The following MNAT1 variants were observed in gnomAD, a reference collection of about 807,000 sequenced individuals.
MNAT1 encodes the protein CDK-activating kinase assembly factor MAT1.
Under a neutral mutation model 42.0 loss-of-function variants are expected in MNAT1, and 43 were observed. The ratio of observed to expected loss-of-function variants is 1.02; its 90% CI spans 0.80 to 1.32. The LOEUF (loss-of-function observed/expected upper bound fraction) is 1.32. Ranked by LOEUF, MNAT1 falls within the 40% of genes most tolerant of loss-of-function variation. MNAT1 has a pLI of 0.00. For missense variants in MNAT1, 306 were observed against 350.4 expected (o/e 0.87, Z 1.01); for synonymous variants, 118 against 120.0 (o/e 0.98, Z 0.11).
chr14:60,929,170 A>AATATATATAT (rs57354716), intron 7 of MNAT1, among the ~76,000 whole-genome samples: 21 of 47,462 alleles, frequency 4.4e-4, no homozygotes, highest in South Asian at 2.6e-3. Context: ...AAAAAAAAAA[A>AATATATATAT]ATATATATAT....
chr14:60,892,702 AT>A, intron 7 of MNAT1, among the ~76,000 whole-genome samples: 1 of 151,628 alleles, frequency 6.6e-6, no homozygotes, highest in African/African-American at 2.4e-5. Context: ...CTTTGTGTTT[AT>A]TTTTTAGTGC....
chr14:60,750,231 CTTTT>C (rs1186389806), intron 1 of MNAT1, among the ~76,000 whole-genome samples: 1 of 144,528 alleles, frequency 6.9e-6, no homozygotes. Flanking sequence ...TTCTTTCTTT[CTTTT>C]TTTTTTTTTG....
intron 1 of MNAT1, among the ~76,000 whole-genome samples, chr14:60,748,215 G>T (rs1390951238): frequency 6.6e-6 from 1 of 151,682 alleles, no homozygotes; most frequent in Non-Finnish European, 1.5e-5. Context: ...AAAAAAAGAA[G>T]AAAATATTTT....
In MNAT1 at chr14:60,929,170, A is replaced by ATAT. The variant is rs1555336770; in HGVS notation, c.810-39059_810-39058insTAT. The stretch of plus-strand genomic sequence containing the variant: ...TCCCAAAAAAAAAAAAAAAAAAAAA[A>ATAT]ATATATATATATATATATATATATG... On this transcript the variant is annotated intron_variant, in intron 7 of 7. Coordinates refer to ENST00000261245, the MANE Select transcript of MNAT1 (RefSeq NM_002431.4). 2.1e-3 allele frequency among the ~76,000 whole-genome samples: 100 copies of ATAT among 47,400 alleles called. 1 individual carries two copies. The highest frequency in any genetic ancestry group is 5.6e-3 in the African/African-American group (47 of 8,460). 31.1% of individuals were successfully genotyped at this position (47,400 alleles called of 152,430 possible). A position where few individuals can be genotyped will look rare whatever the true frequency, so the allele number is the denominator to read the frequency against.
chr14:60,932,518 G>A (rs552378309), intron 7 of MNAT1, among the ~76,000 whole-genome samples: 80 of 151,858 alleles, frequency 5.3e-4, no homozygotes, highest in South Asian at 1.5e-3. Context: ...ACTGTCTTAC[G>A]TGGAGTGTGC....
At chr14:60,801,072 A>G (rs1363591493) in intron 3 of MNAT1, among the ~76,000 whole-genome samples, 1 of 152,148 alleles carries the variant, frequency 6.6e-6, no homozygotes, top group Non-Finnish European at 1.5e-5. Context: ...AGCACTGGGA[A>G]ATAGAGATGT....
At chr14:60,826,314 T>C (rs1165144553) in intron 6 of MNAT1, among the ~76,000 whole-genome samples, 2 of 127,584 alleles carry the variant, frequency 1.6e-5, no homozygotes, top group African/African-American at 6.1e-5. Context: ...GAAATTTTTT[T>C]TTTTTTTTTT....
chr14:60,814,161 T>C (rs1421925627), intron 5 of MNAT1, among the ~76,000 whole-genome samples: 1 of 152,180 alleles, frequency 6.6e-6, no homozygotes, highest in Non-Finnish European at 1.5e-5. Context: ...ATTGACTGTT[T>C]ACTTTGTGAC....
intron 3 of MNAT1, among the ~76,000 whole-genome samples, chr14:60,799,603 A>G (rs1180274924): frequency 6.6e-6 from 1 of 152,042 alleles, no homozygotes; most frequent in African/African-American, 2.4e-5. Flanking sequence ...AACTAAAAGA[A>G]ACATATACAG....
At chr14:60,906,540 G>T (rs974957172) in intron 7 of MNAT1, among the ~76,000 whole-genome samples, 1 of 152,104 alleles carries the variant, frequency 6.6e-6, no homozygotes, top group Non-Finnish European at 1.5e-5. Context: ...ATATAATTTT[G>T]ATAGCAGGGG....
intron 1 of MNAT1, among the ~76,000 whole-genome samples, chr14:60,755,952 T>C (rs1274827908): frequency 6.6e-6 from 1 of 152,222 alleles, no homozygotes; most frequent in Non-Finnish European, 1.5e-5. Flanking sequence ...GGGACCGCTT[T>C]CTAAAAATGT....
intron 7 of MNAT1, among the ~76,000 whole-genome samples, chr14:60,909,853 C>A (rs1015241946): frequency 1.3e-5 from 2 of 151,824 alleles, no homozygotes; most frequent in Non-Finnish European, 2.9e-5. Flanking sequence ...TTTTCCAATT[C>A]TGTGAAGAAA....
In MNAT1 at chr14:60,846,820, T is replaced by G. The variant is rs376696117; in HGVS notation, c.687+27973T>G. ...AAGTACTTGAAATTTTATTCTATAT[T>G]TGGGAAGAATGTGTTAGATGTTAGT... On this transcript the variant is annotated intron_variant, in intron 6 of 7. Transcript: ENST00000261245. Among the ~76,000 whole-genome samples the G allele has an allele frequency of 5.6e-3, 860 of 152,302 alleles. 7 individuals are homozygous for G. Among genetic ancestry groups the G allele is most frequent in the South Asian group, 0.023 (111 of 4,828 alleles).
chr14:60,950,683 AG>A, intron 7 of MNAT1, among the ~76,000 whole-genome samples: 1 of 152,294 alleles, frequency 6.6e-6, no homozygotes, highest in South Asian at 2.1e-4. Context: ...ACTGTGGCCC[AG>A]GGAAGCCAAA....
intron 1 of MNAT1, among the ~76,000 whole-genome samples, chr14:60,773,396 T>C (rs1456261028): frequency 6.6e-6 from 1 of 152,158 alleles, no homozygotes; most frequent in East Asian, 1.9e-4. Context: ...ATACCAATAA[T>C]GAGCATAACA....
chr14:60,814,201 T>C (rs932665604), intron 5 of MNAT1, among the ~76,000 whole-genome samples: 1 of 152,180 alleles, frequency 6.6e-6, no homozygotes, highest in East Asian at 1.9e-4. Flanking sequence ...CATAAAAAAA[T>C]AGTGTATTTT....
intron 1 of MNAT1, among the ~76,000 whole-genome samples, chr14:60,752,612 C>T (rs1017799522): frequency 6.6e-6 from 1 of 152,090 alleles, no homozygotes; most frequent in Non-Finnish European, 1.5e-5. Flanking sequence ...CTGCAGTGAG[C>T]TATGAGTGTG....
rs1457403474 is a variant in MNAT1, at chr14:60,879,884, A to G, written c.809+49A>G. 5 of 1,581,770 alleles carry G rather than the reference A, an allele frequency of 3.2e-6. No homozygotes were observed. The African/African-American group carries it at 5.4e-5, about 17-fold the overall frequency. On this transcript the variant is annotated intron_variant, in intron 7 of 7. Transcript: ENST00000261245. ...ATTGAGGAGCTGATATGTGGGACTT[A>G]TTGCTGTTCTTAACTGACATGTTAA... is the stretch of plus-strand genomic sequence containing the variant.
chr14:60,953,671 G>GT (rs1481123794), intron 7 of MNAT1, among the ~76,000 whole-genome samples: 1 of 152,160 alleles, frequency 6.6e-6, no homozygotes, highest in African/African-American at 2.4e-5. Context: ...GCATATGGTA[G>GT]TTCTGTTTTT....
Sources: gnomAD v4.1 joint callset for allele counts (sites outside exome capture counted in the v4.1 genomes callset) on GRCh38, gnomAD v4.1.1 for gene constraint, MANE v1.5 for transcripts, NCBI Gene and HGNC (gene_info 2026-07-23, HGNC 2026-07-21) for gene names.